LRMDA: variants seen among roughly 807,000 people sequenced by gnomAD.
LRMDA encodes the protein leucine rich melanocyte differentiation associated.
In LRMDA, 18 loss-of-function variants were observed where a neutral mutation model predicts 29.8. That is an observed-to-expected ratio of 0.60 (90% confidence interval 0.42 to 0.90). The LOEUF (loss-of-function observed/expected upper bound fraction) is 0.90, where lower values mean the gene tolerates loss of function less well. LRMDA is among the 40% of genes least tolerant of loss of function. The probability of loss-of-function intolerance (pLI) is 0.00; values close to 1 mark genes in which losing one functional copy is unlikely to be tolerated. For synonymous variants in LRMDA, 125 were observed against 109.4 expected, an observed-to-expected ratio of 1.14 and a Z score of -0.89; for missense variants, 273 against 273.9, an observed-to-expected ratio of 1.00 and a Z score of 0.02.
At chr10:75,846,179 G>GTGTGTT (rs1383808881) in intron 2 of LRMDA, among the ~76,000 whole-genome samples, 5 of 128,468 alleles carry the variant, frequency 3.9e-5, no homozygotes, top group Admixed American at 1.5e-4. Context: ...GTGTGTGTTT[G>GTGTGTT]TGTGTGTGTG....
intron 6 of LRMDA, among the ~76,000 whole-genome samples, chr10:76,459,473 CT>C (rs1337844190): frequency 1.3e-5 from 2 of 152,154 alleles, no homozygotes; most frequent in East Asian, 3.9e-4. Context: ...GGATTTTGCC[CT>C]CTGTTTTGTA....
chr10:75,505,117 G>A (rs1054011827), intron 2 of LRMDA, among the ~76,000 whole-genome samples: 4 of 152,106 alleles, frequency 2.6e-5, no homozygotes, highest in Admixed American at 6.5e-5. Flanking sequence ...ATGAATAAGG[G>A]TTGTTTTAGT....
intron 2 of LRMDA, among the ~76,000 whole-genome samples, chr10:75,470,083 T>G (rs543287983): frequency 6.6e-6 from 1 of 152,350 alleles, no homozygotes; most frequent in East Asian, 1.9e-4. Context: ...CTTCCTGCAT[T>G]TCCTCTGCCA....
chr10:75,579,537 T>C (rs1840558784), intron 2 of LRMDA, among the ~76,000 whole-genome samples: 1 of 151,894 alleles, frequency 6.6e-6, no homozygotes, highest in Non-Finnish European at 1.5e-5. Flanking sequence ...TTCCAAACAA[T>C]AGAAAAAGAG....
At chr10:76,021,648 C>T (rs905415562) in intron 2 of LRMDA, among the ~76,000 whole-genome samples, 1 of 152,200 alleles carries the variant, frequency 6.6e-6, no homozygotes, top group African/African-American at 2.4e-5. Flanking sequence ...AACCTCCTAC[C>T]ATGAAGAGCT....
At chr10:75,774,944 G>T (rs1012637419) in intron 2 of LRMDA, among the ~76,000 whole-genome samples, 1 of 152,222 alleles carries the variant, frequency 6.6e-6, no homozygotes, top group African/African-American at 2.4e-5. Flanking sequence ...TTTCAAGAAT[G>T]ATATCAGCGG....
chr10:76,426,614 C>T (rs1842128833), intron 6 of LRMDA, among the ~76,000 whole-genome samples: 3 of 152,148 alleles, frequency 2.0e-5, no homozygotes, highest in Admixed American at 2.0e-4. Context: ...TAATTAGATC[C>T]CATTTGTCAA....
chr10:76,067,941 A>G (rs527536414), intron 5 of LRMDA, among the ~76,000 whole-genome samples: 2 of 152,324 alleles, frequency 1.3e-5, no homozygotes, highest in East Asian at 3.9e-4. Flanking sequence ...AGGATTCTAG[A>G]GACTGAACTC....
chr10:75,620,431 G>A (rs949138821), intron 2 of LRMDA, among the ~76,000 whole-genome samples: 1 of 152,172 alleles, frequency 6.6e-6, no homozygotes, highest in African/African-American at 2.4e-5. Flanking sequence ...TATTGGTTCT[G>A]CTGTGGGTTT....
intron 2 of LRMDA, among the ~76,000 whole-genome samples, chr10:75,615,782 A>G (rs1288274214): frequency 6.6e-6 from 1 of 152,130 alleles, no homozygotes; most frequent in Non-Finnish European, 1.5e-5. Flanking sequence ...AAATTACTTT[A>G]TGTCTCTGAA....
At chr10:76,201,018 AT>A (rs980358266) in intron 5 of LRMDA, among the ~76,000 whole-genome samples, 1 of 148,278 alleles carries the variant, frequency 6.7e-6, no homozygotes, top group Non-Finnish European at 1.5e-5. Context: ...TGCCTGGCCA[AT>A]TTTTTTTATT....
rs552917990 is a variant in LRMDA, at chr10:76,246,429, G to C, written c.517-77972G>C. Among the ~76,000 whole-genome samples the C allele has an allele frequency of 1.1e-4, 17 of 152,222 alleles. 1 individual carries two copies. The South Asian group carries it at 2.3e-3, about 20-fold the overall frequency. ...TCTCATGTCTCATGGCTAACAACCT[G>C]TTTTCTTCTGCATTCTAATCTCCTG... On this transcript the variant is annotated intron_variant, in intron 5 of 6. Transcript: ENST00000611255.
intron 1 of LRMDA, among the ~76,000 whole-genome samples, chr10:75,433,566 G>GT (rs1358279979): frequency 6.6e-6 from 1 of 152,048 alleles, no homozygotes; most frequent in Non-Finnish European, 1.5e-5. Context: ...TTGTTTGTTT[G>GT]TTTTTTCTAC....
intron 2 of LRMDA, among the ~76,000 whole-genome samples, chr10:75,993,373 C>T (rs1346583688): frequency 6.6e-6 from 1 of 152,118 alleles, no homozygotes; most frequent in African/African-American, 2.4e-5. Context: ...AGGCATTGTT[C>T]TAAGTAATTA....
intron 2 of LRMDA, among the ~76,000 whole-genome samples, chr10:75,608,938 G>A (rs538474793): frequency 2.6e-5 from 4 of 152,170 alleles, no homozygotes; most frequent in African/African-American, 4.8e-5. Context: ...ACTTCAACAC[G>A]ACCAACAGTT....
At chr10:76,487,103 AGT>A (rs1232707832) in intron 6 of LRMDA, among the ~76,000 whole-genome samples, 2 of 151,914 alleles carry the variant, frequency 1.3e-5, no homozygotes, top group African/African-American at 4.8e-5. Context: ...TGATGATGAA[AGT>A]GTGGTTCATG....
At chr10:76,009,415 G>T (rs1847732516) in intron 2 of LRMDA, among the ~76,000 whole-genome samples, 1 of 152,180 alleles carries the variant, frequency 6.6e-6, no homozygotes, top group South Asian at 2.1e-4. Flanking sequence ...AGCCAGGAAT[G>T]GTGCAGAAAA....
At chr10:76,001,193 C>A (rs2132469167) in intron 2 of LRMDA, among the ~76,000 whole-genome samples, 1 of 152,296 alleles carries the variant, frequency 6.6e-6, no homozygotes, top group East Asian at 1.9e-4. Context: ...GTTCCCCTGT[C>A]TGAGAACGCA....
intron 2 of LRMDA, among the ~76,000 whole-genome samples, chr10:75,781,280 CATA>C (rs1391134943): frequency 6.6e-5 from 10 of 152,182 alleles, no homozygotes; most frequent in Admixed American, 2.6e-4. Flanking sequence ...GTGCCTGGCT[CATA>C]ATAACCTCCG....
Sources: gnomAD v4.1 joint callset for allele counts (sites outside exome capture counted in the v4.1 genomes callset) on GRCh38, gnomAD v4.1.1 for gene constraint, MANE v1.5 for transcripts, NCBI Gene and HGNC (gene_info 2026-07-23, HGNC 2026-07-21) for gene names.